Variants in MYO9A observed in about 807,000 individuals in gnomAD.
The protein encoded by MYO9A is unconventional myosin-IXa.
In MYO9A, 103 loss-of-function variants were observed where a neutral mutation model predicts 293.3. That is an observed-to-expected ratio of 0.35 (90% CI 0.30 to 0.41). The LOEUF is 0.41. MYO9A is among the 10% of genes least tolerant of loss of function. The pLI, the probability that MYO9A is intolerant of heterozygous loss-of-function variation, is 1.00. For synonymous variants in MYO9A, 1,001 were observed against 1,035.7 expected (o/e 0.97, Z 0.64); for missense variants, 2,685 against 3,033.0 (o/e 0.89, Z 2.69).
At chr15:71,956,318 A>T (rs1400557356) in intron 14 of MYO9A, among the ~76,000 whole-genome samples, 2 of 36,858 alleles carry the variant, frequency 5.4e-5, no homozygotes, top group African/African-American at 1.8e-4. Flanking sequence ...CTTAAAAAAA[A>T]AAAAAAAAAA....
rs2056939199 is a variant in MYO9A, at chr15:71,883,634, A to G, written c.5358T>C (p.Phe1786=). The G allele has an allele frequency of 2.5e-6, 4 of 1,613,674 alleles. No individual in the cohort carries two copies. The highest frequency in any genetic ancestry group is 3.4e-6 in the Non-Finnish European group (4 of 1,179,802). The change falls in exon 28 of 42, where the codon TTT becomes TTC. Residue 1786 remains phenylalanine (F), a synonymous_variant. Coordinates refer to ENST00000356056, the MANE Select transcript of MYO9A (RefSeq NM_006901.4). The part of the protein sequence containing the change: ...PTTQSEVSPL[F]AGTDVIPAHQ... Reference sequence around the variant, plus strand: ...GAGCTGGAATCACATCTGTGCCTGCAAAGAGTGGCGAAACCTCTGACTGGG... The same window carrying G: ...GAGCTGGAATCACATCTGTGCCTGCGAAGAGTGGCGAAACCTCTGACTGGG...
intron 22 of MYO9A, among the ~76,000 whole-genome samples, chr15:71,902,574 G>A (rs2057516936): frequency 6.6e-6 from 1 of 152,124 alleles, no homozygotes; most frequent in African/African-American, 2.4e-5. Flanking sequence ...TGAACGGTAT[G>A]CCAAAGACAA....
chr15:72,107,256 A>T (rs974814850), intron 1 of MYO9A, among the ~76,000 whole-genome samples: 17 of 152,178 alleles, frequency 1.1e-4, no homozygotes, highest in Admixed American at 1.1e-3. Context: ...GTGGTTTCTA[A>T]ATACAATCTC....
At chr15:71,842,284 T>A (rs562585009) in intron 39 of MYO9A, among the ~76,000 whole-genome samples, 1 of 151,206 alleles carries the variant, frequency 6.6e-6, no homozygotes, top group Non-Finnish European at 1.5e-5. Context: ...GGCTGAGGCA[T>A]GAGAATCGCT....
chr15:71,904,305 A>C (rs1293689938), intron 20 of MYO9A, among the ~76,000 whole-genome samples: 2 of 152,192 alleles, frequency 1.3e-5, no homozygotes, highest in African/African-American at 4.8e-5. Context: ...AGGCTCAAAA[A>C]GAATGTAGTC....
chr15:71,936,079 A>C (rs1422828325), intron 16 of MYO9A, among the ~76,000 whole-genome samples: 1 of 152,076 alleles, frequency 6.6e-6, no homozygotes, highest in Non-Finnish European at 1.5e-5. Flanking sequence ...TCCAACAACA[A>C]ATGAATGGAT....
intron 26 of MYO9A, chr15:71,890,598 T>G (rs902518978): frequency 6.6e-6 from 1 of 152,136 alleles, no homozygotes; most frequent in African/African-American, 2.4e-5. Flanking sequence ...GAGCAGCACA[T>G]AGAGACTAAA....
At chr15:71,986,099 C>T (rs376277506) in intron 11 of MYO9A, among the ~76,000 whole-genome samples, 2 of 152,044 alleles carry the variant, frequency 1.3e-5, no homozygotes, top group Non-Finnish European at 2.9e-5. Context: ...TAGATCCAAC[C>T]GACCACATAT....
intron 1 of MYO9A, among the ~76,000 whole-genome samples, chr15:72,078,967 G>A (rs1360333298): frequency 6.6e-6 from 1 of 152,198 alleles, no homozygotes; most frequent in Non-Finnish European, 1.5e-5. Flanking sequence ...CGTTGTGGGA[G>A]GTGAAAGGAT....
At chr15:72,000,020 G>A (rs1017894258) in intron 8 of MYO9A, 80 bp from the exon 9 acceptor site, 1 of 1,149,252 alleles carries the variant, frequency 8.7e-7, no homozygotes, top group Non-Finnish European at 1.2e-6. Context: ...CCAAATAGAG[G>A]AGGAAAAGCT....
At chr15:71,829,991 C>T (rs1326916338) in intron 40 of MYO9A, 118 bp downstream of exon 40, 7 of 1,043,772 alleles carry the variant, frequency 6.7e-6, no homozygotes, top group Non-Finnish European at 1.0e-5. Context: ...TCTCCTGTAT[C>T]ATCTGACACA....
chr15:71,975,734 A>C (rs1490957782), intron 12 of MYO9A, among the ~76,000 whole-genome samples: 1 of 152,164 alleles, frequency 6.6e-6, no homozygotes, highest in Non-Finnish European at 1.5e-5. Flanking sequence ...AATCTAGACA[A>C]ACAGGCCTTA....
intron 13 of MYO9A, among the ~76,000 whole-genome samples, chr15:71,963,385 G>A (rs1349498436): frequency 6.7e-6 from 1 of 149,836 alleles, no homozygotes; most frequent in Non-Finnish European, 1.5e-5. Context: ...ACACCTGGCT[G>A]TGCACTCATT....
chr15:72,050,137 T>C (rs764039944), intron 1 of MYO9A, among the ~76,000 whole-genome samples: 1 of 152,080 alleles, frequency 6.6e-6, no homozygotes, highest in African/African-American at 2.4e-5. Context: ...TATCAATTAC[T>C]GCTTTGTGGG....
chr15:72,030,578 C>T (rs1409233117), intron 3 of MYO9A, among the ~76,000 whole-genome samples: 1 of 151,938 alleles, frequency 6.6e-6, no homozygotes, highest in Non-Finnish European at 1.5e-5. Flanking sequence ...CTTGCTCTGT[C>T]TCCCAGACGA....
At chr15:72,013,949 G>C (rs931916571) in intron 6 of MYO9A, among the ~76,000 whole-genome samples, 27 of 152,130 alleles carry the variant, frequency 1.8e-4, no homozygotes, top group Non-Finnish European at 2.2e-4. Context: ...GGGACTACAG[G>C]CCTACACCAC....
intron 15 of MYO9A, among the ~76,000 whole-genome samples, chr15:71,948,757 T>C (rs974452506): frequency 2.0e-5 from 3 of 152,222 alleles, no homozygotes; most frequent in Non-Finnish European, 2.9e-5. Flanking sequence ...CCAGACTCTG[T>C]TAGTCTGAAA....
Position 71,825,344 on chromosome 15 carries a change from G to GAAAT in MYO9A, c.*1232_*1235dup, listed in dbSNP as rs1214590653. 3 of 152,032 alleles carry GAAAT rather than the reference G, an allele frequency of 2.0e-5. No individual in the cohort carries two copies. Among genetic ancestry groups the GAAAT allele is most frequent in the African/African-American group, 7.2e-5 (3 of 41,384 alleles). The allele number at this position is 152,032 out of a possible 1,614,324, so 9.4% of individuals were successfully genotyped here. The stretch of plus-strand genomic sequence containing the variant: ...AAGGAGGGAAGCACAAGGTTAAAAA[G>GAAAT]AAATATGCCTACTATACATACATAT... On this transcript the variant is annotated 3_prime_UTR_variant, in exon 42 of 42. Transcript: ENST00000356056.
chr15:72,046,535 C>G lies in MYO9A; in HGVS notation c.29G>C (p.Arg10Pro). MNINDGGRRRFEDNEHTLRI... is the reference protein window; with the variant it reads MNINDGGRRPFEDNEHTLRI... Reference sequence around the variant, plus strand: ...TAATGTATGTTCATTATCTTCAAAGCGTCGTCTTCCTCCATCATTTATATT... The same window carrying G: ...TAATGTATGTTCATTATCTTCAAAGGGTCGTCTTCCTCCATCATTTATATT... The change falls in exon 2 of 42, where the codon CGC becomes CCC. Residue 10 changes from arginine (R) to proline (P), a missense_variant. Arg to Pro is a moderately radical substitution (Grantham distance 103). Around this residue, in one of 10 missense-constraint regions of MYO9A, gnomAD observed 67 missense variants for 63.2 expected, o/e 1.06. Coordinates refer to ENST00000356056, the MANE Select transcript of MYO9A (RefSeq NM_006901.4). 6.2e-7 allele frequency: 1 copy of G among 1,604,306 alleles called. No individual in the cohort carries two copies. Among genetic ancestry groups the G allele is most frequent in the Admixed American group, 1.7e-5 (1 of 58,722 alleles).
Sources: allele counts gnomAD v4.1 joint callset (sites outside exome capture counted in the v4.1 genomes callset), GRCh38; gene constraint gnomAD v4.1.1; regional missense constraint gnomAD v4.1.1; transcripts MANE v1.5; gene names NCBI Gene and HGNC (gene_info 2026-07-23, HGNC 2026-07-21).